MDGA2: variants seen among roughly 807,000 people sequenced by gnomAD.
The protein encoded by MDGA2 is MAM domain-containing glycosylphosphatidylinositol anchor protein 2.
A neutral mutation model predicts 117.8 loss-of-function variants in MDGA2; 40 were observed. The ratio of observed to expected loss-of-function variants is 0.34; its 90% CI spans 0.26 to 0.44. The LOEUF (loss-of-function observed/expected upper bound fraction) is 0.44. MDGA2 is among the 20% of genes least tolerant of loss of function. MDGA2 has a pLI of 1.00. For missense variants in MDGA2, 1,123 were observed against 1,250.6 expected (o/e 0.90, Z 1.54); for synonymous variants, 452 against 439.0 (o/e 1.03, Z -0.37).
At chr14:47,631,784 A>T (rs1897251855) in intron 1 of MDGA2, among the ~76,000 whole-genome samples, 1 of 152,052 alleles carries the variant, frequency 6.6e-6, no homozygotes, top group Non-Finnish European at 1.5e-5. Context: ...TCTTGCACAC[A>T]TTGATGCAAG....
At chr14:47,624,620 T>A (rs894316274) in intron 1 of MDGA2, among the ~76,000 whole-genome samples, 6 of 152,114 alleles carry the variant, frequency 3.9e-5, no homozygotes, top group African/African-American at 1.4e-4. Flanking sequence ...ATCTAATCAG[T>A]TTTTTTTAAG....
intron 8 of MDGA2, among the ~76,000 whole-genome samples, chr14:46,961,023 C>T (rs981375657): frequency 5.9e-5 from 9 of 151,632 alleles, no homozygotes; most frequent in Admixed American, 2.0e-4. Context: ...GTTCTTTCAG[C>T]GCATCATTAT....
Position 47,197,389 on chromosome 14 carries a change from C to T in MDGA2, c.595+20632G>A, listed in dbSNP as rs143939468. 4.5e-4 allele frequency among the ~76,000 whole-genome samples: 69 copies of T among 152,194 alleles called. 1 individual carries two copies. Among genetic ancestry groups the T allele is most frequent in the Non-Finnish European group, 9.0e-4 (61 of 68,020 alleles). ...ACCATGTGAAGACAAAGCAAGAAGA[C>T]AGCCATCTGCAAAGCAGAAAGTGCT... On this transcript the variant is annotated intron_variant, in intron 3 of 16. Transcript: ENST00000399232.
At chr14:47,511,482 A>G (rs1323630135) in intron 1 of MDGA2, among the ~76,000 whole-genome samples, 2 of 152,118 alleles carry the variant, frequency 1.3e-5, no homozygotes, top group African/African-American at 4.8e-5. Flanking sequence ...GTATACATGG[A>G]AGAGATTGTT....
At chr14:47,435,036 T>G (rs903780271) in intron 1 of MDGA2, among the ~76,000 whole-genome samples, 1 of 152,072 alleles carries the variant, frequency 6.6e-6, no homozygotes, top group Non-Finnish European at 1.5e-5. Context: ...CTCAGGAGGC[T>G]GAGGCAGGAG....
intron 1 of MDGA2, among the ~76,000 whole-genome samples, chr14:47,484,539 G>A (rs551651671): frequency 5.3e-5 from 8 of 152,174 alleles, no homozygotes; most frequent in South Asian, 4.1e-4. Flanking sequence ...CAATATCATC[G>A]GTTAATTTTG....
chr14:47,291,509 G>A (rs1888888251), intron 2 of MDGA2, among the ~76,000 whole-genome samples: 2 of 152,186 alleles, frequency 1.3e-5, no homozygotes, highest in African/African-American at 4.8e-5. Context: ...AATATCGTGA[G>A]TTGAAAATGC....
At chr14:47,148,252 A>G (rs1883023462) in intron 3 of MDGA2, among the ~76,000 whole-genome samples, 1 of 152,128 alleles carries the variant, frequency 6.6e-6, no homozygotes, top group Non-Finnish European at 1.5e-5. Flanking sequence ...TGGGACCTCT[A>G]AACTGGCAGA....
Position 47,372,599 on chromosome 14 carries a change from C to A in MDGA2, c.281-71049G>T, listed in dbSNP as rs576964265. ...GTGGAGAGACTGAAACAGTTACTCTCCTGAATTATTGGTTAGAGTATGAAT... is the reference window on the plus strand; with the variant it reads ...GTGGAGAGACTGAAACAGTTACTCTACTGAATTATTGGTTAGAGTATGAAT... On this transcript the variant is annotated intron_variant, in intron 1 of 16. Transcript: ENST00000399232. Among the ~76,000 whole-genome samples the A allele has an allele frequency of 1.3e-4, 19 of 151,964 alleles. 2 individuals carry two copies. Among genetic ancestry groups the A allele is most frequent in the African/African-American group, 4.6e-4 (19 of 41,508 alleles).
At chr14:47,542,326 C>T (rs1442786224) in intron 1 of MDGA2, among the ~76,000 whole-genome samples, 2 of 152,108 alleles carry the variant, frequency 1.3e-5, no homozygotes, top group African/African-American at 4.8e-5. Flanking sequence ...CATGTTTCTC[C>T]TTAGGATATT....
intron 10 of MDGA2, among the ~76,000 whole-genome samples, chr14:46,915,739 A>G (rs1883872662): frequency 6.6e-6 from 1 of 152,150 alleles, no homozygotes; most frequent in Admixed American, 6.5e-5. Flanking sequence ...TAAGGAAGCA[A>G]AGCGGCAGGA....
At chr14:47,163,642 TC>T (rs1163677115) in intron 3 of MDGA2, among the ~76,000 whole-genome samples, 7 of 152,272 alleles carry the variant, frequency 4.6e-5, no homozygotes, top group Middle Eastern at 3.4e-3. Flanking sequence ...AATTGCCCTG[TC>T]TCTGGTATAT....
chr14:47,220,290 T>C (rs994693938), intron 2 of MDGA2, among the ~76,000 whole-genome samples: 1 of 152,030 alleles, frequency 6.6e-6, no homozygotes, highest in Non-Finnish European at 1.5e-5. Context: ...ACAAAGAAAA[T>C]TGTTCAGGCT....
intron 10 of MDGA2, among the ~76,000 whole-genome samples, chr14:46,898,995 A>G (rs1293719783): frequency 6.6e-6 from 1 of 152,080 alleles, no homozygotes; most frequent in Non-Finnish European, 1.5e-5. Context: ...TCAACCTTGG[A>G]GACACTATAA....
chr14:46,949,299 C>G (rs1257381671), intron 9 of MDGA2, among the ~76,000 whole-genome samples: 2 of 151,920 alleles, frequency 1.3e-5, no homozygotes, highest in African/African-American at 4.8e-5. Context: ...TCCATGTGGA[C>G]TAGAGGAGTT....
At chr14:47,223,984 C>A (rs1339239663) in intron 2 of MDGA2, among the ~76,000 whole-genome samples, 1 of 152,090 alleles carries the variant, frequency 6.6e-6, no homozygotes, top group African/African-American at 2.4e-5. Flanking sequence ...GGGGTAACCA[C>A]CCCCATGATT....
At chr14:47,117,740 CAGGGG>C (rs1168452881) in intron 5 of MDGA2, among the ~76,000 whole-genome samples, 2 of 151,998 alleles carry the variant, frequency 1.3e-5, no homozygotes, top group Non-Finnish European at 2.9e-5. Context: ...ATGTGGCTAT[CAGGGG>C]TTGAGTGAGG....
chr14:47,527,524 C>A (rs1894997905), intron 1 of MDGA2, among the ~76,000 whole-genome samples: 1 of 152,148 alleles, frequency 6.6e-6, no homozygotes, highest in Non-Finnish European at 1.5e-5. Flanking sequence ...CATGAGAAAA[C>A]AAGTGAGCCA....
At chr14:47,482,152 G>A (rs1893967073) in intron 1 of MDGA2, among the ~76,000 whole-genome samples, 1 of 151,926 alleles carries the variant, frequency 6.6e-6, no homozygotes, top group African/African-American at 2.4e-5. Context: ...GTAATTTCCA[G>A]GTGAAAAGAA....
Sources: allele counts gnomAD v4.1 joint callset (sites outside exome capture counted in the v4.1 genomes callset), GRCh38; gene constraint gnomAD v4.1.1; transcripts MANE v1.5; gene names NCBI Gene and HGNC (gene_info 2026-07-23, HGNC 2026-07-21).